Variants in QTMAN observed in about 807,000 individuals in gnomAD.
QTMAN encodes the protein tRNA-queuosine alpha-mannosyltransferase.
At chr2:144,332,215 G>C in the QTMAN span, among the ~76,000 whole-genome samples, 6 of 151,828 alleles carry the variant, frequency 4.0e-5, no homozygotes, top group Non-Finnish European at 7.4e-5. Flanking sequence ...GCGGACGGCG[G>C]CGCAGGGAGC....
the QTMAN span, among the ~76,000 whole-genome samples, chr2:144,115,895 C>G: frequency 6.6e-6 from 1 of 152,066 alleles, no homozygotes; most frequent in African/African-American, 2.4e-5. Flanking sequence ...GATGGCAGGG[C>G]AAACTGCTCC....
the QTMAN span, among the ~76,000 whole-genome samples, chr2:144,153,342 A>G: frequency 1.1e-3 from 175 of 152,334 alleles, 2 homozygotes; most frequent in African/African-American, 4.1e-3. Context: ...TAAATAAAGT[A>G]CCACTATAAA....
the QTMAN span, among the ~76,000 whole-genome samples, chr2:144,172,686 T>G: frequency 6.6e-6 from 1 of 151,588 alleles, no homozygotes; most frequent in Non-Finnish European, 1.5e-5. Context: ...ACTGCCCTTT[T>G]AGAAAGTTAT....
chr2:143,982,684 A>T, the QTMAN span, among the ~76,000 whole-genome samples: 1 of 151,528 alleles, frequency 6.6e-6, no homozygotes, highest in Non-Finnish European at 1.5e-5. Flanking sequence ...AACATGGTGA[A>T]ACGCCCTCAC....
the QTMAN span, among the ~76,000 whole-genome samples, chr2:144,305,037 A>C: frequency 6.6e-6 from 1 of 152,146 alleles, no homozygotes; most frequent in African/African-American, 2.4e-5. Flanking sequence ...ATGTTCTTGC[A>C]TGTTGTGTGT....
the QTMAN span, among the ~76,000 whole-genome samples, chr2:144,286,234 T>A: frequency 6.6e-6 from 1 of 152,174 alleles, no homozygotes; most frequent in African/African-American, 2.4e-5. Context: ...TTATGCCAAA[T>A]GAACCCTTCC....
the QTMAN span, among the ~76,000 whole-genome samples, chr2:144,057,078 A>C: frequency 6.6e-6 from 1 of 152,232 alleles, no homozygotes; most frequent in African/African-American, 2.4e-5. Context: ...ATGGCTCTAA[A>C]GTACCCACAC....
At chr2:144,249,674 C>T in the QTMAN span, among the ~76,000 whole-genome samples, 13 of 152,094 alleles carry the variant, frequency 8.5e-5, no homozygotes, top group African/African-American at 2.9e-4. Context: ...AAAAGGATAC[C>T]TTGCTTTACA....
At chr2:144,004,114 G>C in the QTMAN span, among the ~76,000 whole-genome samples, 4 of 152,000 alleles carry the variant, frequency 2.6e-5, no homozygotes, top group African/African-American at 9.7e-5. Flanking sequence ...AGGTGAAAAT[G>C]CAACAGACTT....
the QTMAN span, among the ~76,000 whole-genome samples, chr2:144,258,231 A>AT: frequency 7.1e-6 from 1 of 141,576 alleles, no homozygotes. Flanking sequence ...CAAAAAAAAA[A>AT]CAAAAACAAA....
At chr2:144,068,332 T>A in the QTMAN span, among the ~76,000 whole-genome samples, 1 of 152,144 alleles carries the variant, frequency 6.6e-6, no homozygotes, top group Non-Finnish European at 1.5e-5. Context: ...TTGAAAAAAA[T>A]GATTATGAAT....
the QTMAN span, among the ~76,000 whole-genome samples, chr2:144,288,940 A>C: frequency 1.3e-5 from 2 of 152,166 alleles, no homozygotes; most frequent in Admixed American, 6.5e-5. Context: ...AAAAGGAAGG[A>C]AGAAAGAGAA....
chr2:144,228,837 A>G, the QTMAN span, among the ~76,000 whole-genome samples: 1 of 152,148 alleles, frequency 6.6e-6, no homozygotes, highest in African/African-American at 2.4e-5. Flanking sequence ...ATGTGCCTGT[A>G]ATCCCAGCTA....
chr2:144,205,302 T>C, the QTMAN span, among the ~76,000 whole-genome samples: 1 of 152,190 alleles, frequency 6.6e-6, no homozygotes, highest in Non-Finnish European at 1.5e-5. Flanking sequence ...TACTTCATGG[T>C]TGCGGACATC....
the QTMAN span, among the ~76,000 whole-genome samples, chr2:144,115,577 T>C: frequency 3.9e-5 from 6 of 152,364 alleles, no homozygotes; most frequent in East Asian, 1.2e-3. Context: ...CACACCTATG[T>C]TTTGGTCATT....
the QTMAN span, among the ~76,000 whole-genome samples, chr2:144,072,452 A>G: frequency 6.6e-6 from 1 of 152,192 alleles, no homozygotes; most frequent in South Asian, 2.1e-4. Context: ...TTAAAACTAG[A>G]TTCGAGCACT....
At chr2:144,305,024 A>G in the QTMAN span, among the ~76,000 whole-genome samples, 1 of 152,206 alleles carries the variant, frequency 6.6e-6, no homozygotes, top group East Asian at 1.9e-4. Flanking sequence ...ATAACTGACA[A>G]ATATGTTCTT....
At chr2:144,022,330 C>T in the QTMAN span, among the ~76,000 whole-genome samples, 1 of 151,470 alleles carries the variant, frequency 6.6e-6, no homozygotes, top group African/African-American at 2.4e-5. Flanking sequence ...TACTCTGTTG[C>T]CCGGGCTGGA....
the QTMAN span, among the ~76,000 whole-genome samples, chr2:144,215,309 T>TACAC: frequency 3.3e-5 from 5 of 149,546 alleles, no homozygotes; most frequent in African/African-American, 9.8e-5. Flanking sequence ...TATATATATA[T>TACAC]ACACACACAC....
Sources: allele counts gnomAD v4.1 joint callset (sites outside exome capture counted in the v4.1 genomes callset), GRCh38; gene constraint gnomAD v4.1.1; transcripts MANE v1.5; gene names NCBI Gene and HGNC (gene_info 2026-07-23, HGNC 2026-07-21).